Variants in CTIF observed in about 807,000 individuals in gnomAD.
CTIF encodes the protein cap binding complex dependent translation initiation factor, also known as CBP80/20-dependent translation initiation factor.
CTIF carries 21 observed loss-of-function variants against 66.0 expected under a neutral mutation model. The observed-to-expected ratio is 0.32, with a 90% CI of 0.23 to 0.46. CTIF has a LOEUF of 0.46. Ranked by LOEUF, CTIF falls within the 20% of genes least tolerant of loss-of-function variation. CTIF has a pLI of 1.00. For missense variants in CTIF, 739 were observed against 812.7 expected (o/e 0.91, Z 1.10); for synonymous variants, 345 against 326.4 (o/e 1.06, Z -0.62).
intron 6 of CTIF, among the ~76,000 whole-genome samples, chr18:48,680,502 A>T (rs928936733): frequency 2.6e-5 from 4 of 152,268 alleles, no homozygotes; most frequent in African/African-American, 9.6e-5. Context: ...GGTGCCCGGT[A>T]CACAGTGAGC....
Position 48,774,782 on chromosome 18 carries a change from G to T in CTIF, c.1371+13093G>T, listed in dbSNP as rs562775402. 2.6e-5 allele frequency among the ~76,000 whole-genome samples: 4 copies of T among 152,286 alleles called. No homozygotes were observed. In the East Asian group the frequency reaches 7.7e-4, roughly 29 times the overall value. ...CCTCCCAGTTTTCCGTAGAGCAAAG[G>T]CCATACGAAAGAAGGGGGTAGCTTA... On this transcript the variant is annotated intron_variant, in intron 9 of 11. Coordinates refer to ENST00000256413, the MANE Select transcript of CTIF (RefSeq NM_014772.3).
chr18:48,854,997 T>G (rs985423962), intron 10 of CTIF, among the ~76,000 whole-genome samples: 2 of 152,226 alleles, frequency 1.3e-5, no homozygotes, highest in Admixed American at 1.3e-4. Flanking sequence ...TGGTTTGTTT[T>G]CTGCATTTCC....
intron 1 of CTIF, among the ~76,000 whole-genome samples, chr18:48,579,270 C>A: frequency 6.6e-6 from 1 of 152,156 alleles, no homozygotes; most frequent in East Asian, 1.9e-4. Flanking sequence ...CCTGAGCCTC[C>A]TGAGTAGCTG....
At chr18:48,562,460 C>A (rs998823544) in intron 1 of CTIF, among the ~76,000 whole-genome samples, 4 of 152,216 alleles carry the variant, frequency 2.6e-5, no homozygotes, top group African/African-American at 9.7e-5. Context: ...GGAGCAGGCC[C>A]CACTAACTAG....
At chr18:48,577,151 C>T (rs73956925) in intron 1 of CTIF, among the ~76,000 whole-genome samples, 10,919 of 152,282 alleles carry the variant, frequency 0.072, 619 homozygotes, top group African/African-American at 0.16. Flanking sequence ...AATGCTGCCT[C>T]ATCCACCTGA....
Position 48,830,817 on chromosome 18 carries a change from G to C in CTIF, c.1527+13441G>C, listed in dbSNP as rs531456394. ...CTCTTCATTGCCCTACTAGTGCCTG[G>C]CTTGGAGTTTTCTTTGTTAATCGCT... On this transcript the variant is annotated intron_variant, in intron 10 of 11. Coordinates refer to ENST00000256413, the MANE Select transcript of CTIF (RefSeq NM_014772.3). 1.3e-4 allele frequency among the ~76,000 whole-genome samples: 19 copies of C among 150,764 alleles called. 1 individual carries two copies. Among genetic ancestry groups the C allele is most frequent in the Middle Eastern group, 3.4e-3 (1 of 292 alleles).
intron 9 of CTIF, among the ~76,000 whole-genome samples, chr18:48,774,456 G>T (rs940703154): frequency 6.6e-6 from 1 of 152,046 alleles, no homozygotes; most frequent in Admixed American, 6.5e-5. Context: ...GAGTCTTCAG[G>T]GAAAAACAGC....
chr18:48,674,401 G>T (rs945213705), intron 6 of CTIF, among the ~76,000 whole-genome samples: 3 of 152,226 alleles, frequency 2.0e-5, no homozygotes, highest in Non-Finnish European at 4.4e-5. Context: ...AAAGCAGAGG[G>T]CGCCATGGGC....
At chr18:48,636,149 T>C (rs2090817824) in intron 2 of CTIF, among the ~76,000 whole-genome samples, 1 of 152,190 alleles carries the variant, frequency 6.6e-6, no homozygotes, top group South Asian at 2.1e-4. Flanking sequence ...CAGGTTGGGC[T>C]CTTTCCTGGT....
At chr18:48,818,848 G>A (rs974224805) in intron 10 of CTIF, among the ~76,000 whole-genome samples, 4 of 152,106 alleles carry the variant, frequency 2.6e-5, no homozygotes, top group African/African-American at 7.2e-5. Context: ...AGCAGGTCAC[G>A]GGCCCTGGGT....
rs188299553 is a variant in CTIF, at chr18:48,761,764, G to A, written c.1371+75G>A. 1.8e-5 allele frequency: 25 copies of A among 1,427,446 alleles called. No homozygotes were observed. The East Asian group carries it at 4.8e-4, about 28-fold the overall frequency. The allele number at this position is 1,427,446 out of a possible 1,614,324, so 88.4% of individuals were successfully genotyped here. On this transcript the variant is annotated intron_variant, in intron 9 of 11. Coordinates refer to ENST00000256413, the MANE Select transcript of CTIF (RefSeq NM_014772.3). The surrounding 1 kb of genome is among the most constrained non-coding windows in gnomAD (Gnocchi z 4.2). The stretch of plus-strand genomic sequence containing the variant: ...TCGGTGAGTTATTCCTAGCGAGAAG[G>A]CTGCGAGTTCTGGCCACAGTTGGAC...
intron 3 of CTIF, 34 bp from the exon 4 acceptor site, chr18:48,663,718 T>C (rs1461917215): frequency 1.2e-6 from 2 of 1,600,354 alleles, no homozygotes; most frequent in African/African-American, 1.3e-5. Context: ...GGCCGAGCAA[T>C]TAATGTCAGC....
chr18:48,729,683 C>T (rs571932568), intron 7 of CTIF, among the ~76,000 whole-genome samples: 1 of 152,332 alleles, frequency 6.6e-6, no homozygotes, highest in African/African-American at 2.4e-5. Flanking sequence ...TGGTGGAAAA[C>T]ACGTGCTCCT....
At chr18:48,669,128 G>C (rs2091482109) in intron 5 of CTIF, among the ~76,000 whole-genome samples, 1 of 151,826 alleles carries the variant, frequency 6.6e-6, no homozygotes, top group Non-Finnish European at 1.5e-5. Flanking sequence ...ACCCAGCCCT[G>C]TTAGAGGAGT....
intron 6 of CTIF, among the ~76,000 whole-genome samples, chr18:48,678,465 A>C (rs572514480): frequency 6.6e-6 from 1 of 152,062 alleles, no homozygotes; most frequent in East Asian, 1.9e-4. Flanking sequence ...CGCCCATACA[A>C]TAAATGGGGC....
chr18:48,746,652 T>C (rs1424558080), intron 7 of CTIF, among the ~76,000 whole-genome samples: 1 of 151,888 alleles, frequency 6.6e-6, no homozygotes, highest in African/African-American at 2.4e-5. Context: ...CATAGCAGGA[T>C]GGAGGGGAGA....
chr18:48,806,766 A>G (rs905642041), intron 9 of CTIF, among the ~76,000 whole-genome samples: 28 of 152,310 alleles, frequency 1.8e-4, no homozygotes, highest in Admixed American at 7.8e-4. Flanking sequence ...TCATGTGGTT[A>G]TCCCGAGTGG....
intron 1 of CTIF, among the ~76,000 whole-genome samples, chr18:48,552,391 T>C (rs2088905848): frequency 6.6e-6 from 1 of 152,214 alleles, no homozygotes; most frequent in South Asian, 2.1e-4. Context: ...CTTAGTCCAT[T>C]TGGGCTGCTA....
At chr18:48,825,042 A>G (rs1390857963) in intron 10 of CTIF, among the ~76,000 whole-genome samples, 2 of 151,386 alleles carry the variant, frequency 1.3e-5, no homozygotes, top group Non-Finnish European at 2.9e-5. Flanking sequence ...TCTCCATCCA[A>G]TCCCCCCAGC....
Sources: gnomAD v4.1 joint callset for allele counts (sites outside exome capture counted in the v4.1 genomes callset) on GRCh38, gnomAD v4.1.1 for gene constraint, Gnocchi (gnomAD v3.1) non-coding constraint, MANE v1.5 for transcripts, NCBI Gene and HGNC (gene_info 2026-07-23, HGNC 2026-07-21) for gene names.